CSPP1: variants seen among roughly 807,000 people sequenced by gnomAD.
The protein encoded by CSPP1 is centrosome and spindle pole-associated protein 1.
Under a neutral mutation model 164.4 loss-of-function variants are expected in CSPP1, and 126 were observed. The ratio of observed to expected loss-of-function variants is 0.77; its 90% confidence interval spans 0.66 to 0.89. The LOEUF is 0.89. Ranked by LOEUF, CSPP1 falls within the 40% of genes least tolerant of loss-of-function variation. The pLI, the probability that CSPP1 is intolerant of heterozygous loss-of-function variation, is 0.00. For missense variants in CSPP1, 1,395 were observed against 1,449.8 expected, an observed-to-expected ratio of 0.96 and a Z score of 0.61; for synonymous variants, 472 against 476.7, an observed-to-expected ratio of 0.99 and a Z score of 0.13.
chr8:67,157,708 AAT>A (rs1317122889), intron 19 of CSPP1: 1 of 152,226 alleles, frequency 6.6e-6, no homozygotes, highest in Non-Finnish European at 1.5e-5. Flanking sequence ...CAGAGACATG[AAT>A]ACCTGGTTCC....
intron 16 of CSPP1, 86 bp from the exon 17 acceptor site, chr8:67,137,370 A>G (rs1347224609): frequency 1.8e-6 from 2 of 1,084,316 alleles, no homozygotes; most frequent in Admixed American, 3.7e-5. Context: ...TTGTTTTCTA[A>G]TACAAAAAAT....
chr8:67,128,492 T>C (rs1479380005), intron 15 of CSPP1, among the ~76,000 whole-genome samples: 1 of 144,438 alleles, frequency 6.9e-6, no homozygotes, highest in Admixed American at 7.1e-5. Flanking sequence ...TGAGCCAAGA[T>C]CACGCCACTG....
chr8:67,192,546 G>A (rs1836666578), intron 29 of CSPP1, among the ~76,000 whole-genome samples: 1 of 152,012 alleles, frequency 6.6e-6, no homozygotes, highest in Non-Finnish European at 1.5e-5. Context: ...TAATTTTGAT[G>A]AGGTCCAACT....
intron 15 of CSPP1, among the ~76,000 whole-genome samples, chr8:67,125,631 C>A (rs998663500): frequency 1.3e-5 from 2 of 152,094 alleles, no homozygotes; most frequent in African/African-American, 4.8e-5. Context: ...TTTCTTCAGT[C>A]TTTTTCTTTC....
intron 28 of CSPP1, among the ~76,000 whole-genome samples, chr8:67,186,886 T>G (rs1480189936): frequency 1.3e-5 from 2 of 152,166 alleles, no homozygotes; most frequent in Admixed American, 6.5e-5. Context: ...AATGTACAAG[T>G]GAAATTTGAA....
Position 67,175,378 on chromosome 8 carries a change from C to T in CSPP1, c.3051C>T (p.Ala1017=). ...DHHTLEIQQQ[A]LLREQQKRLN... ...ACACCTTAGAGATTCAGCAGCAAGC[C>T]CTGCTAAGAGAGCAGCAGAAGAGGC... The change falls in exon 26 of 31, where the codon GCC becomes GCT. Residue 1017 remains alanine, a synonymous_variant. Coordinates refer to ENST00000678616, the MANE Select transcript of CSPP1 (RefSeq NM_001382391.1). The T allele has an allele frequency of 6.2e-7, 1 of 1,613,966 alleles. No individual in the cohort carries two copies. The highest frequency in any genetic ancestry group is 1.1e-5 in the South Asian group (1 of 91,068).
intron 22 of CSPP1, among the ~76,000 whole-genome samples, chr8:67,162,321 A>G (rs1170733131): frequency 1.3e-5 from 2 of 152,218 alleles, no homozygotes; most frequent in Admixed American, 6.5e-5. Context: ...ATGTAAGCTC[A>G]TGGCACATGT....
Position 67,169,715 on chromosome 8 carries a change from C to T in CSPP1, c.2829-2701C>T, listed in dbSNP as rs191090877. ...TCGGCCTCCCAAAGTGCTGGGATTA[C>T]AGGTGTGAGCCACCGTGCCCGGCCA... On this transcript the variant is annotated intron_variant, in intron 24 of 30. Coordinates refer to ENST00000678616, the MANE Select transcript of CSPP1 (RefSeq NM_001382391.1). Among the ~76,000 whole-genome samples the T allele has an allele frequency of 7.7e-4, 117 of 152,028 alleles. 1 individual carries two copies. Among genetic ancestry groups the T allele is most frequent in the African/African-American group, 2.7e-3 (110 of 41,480 alleles).
rs751616415 is a variant in CSPP1, at chr8:67,158,968, A to C, written c.2392-23A>C. On this transcript the variant is annotated intron_variant, in intron 20 of 30. Coordinates refer to ENST00000678616, the MANE Select transcript of CSPP1 (RefSeq NM_001382391.1). ...ACTATAGAAGGAATATATGGAATGC[A>C]TATTTCTCTTTTTATTTTAAAGCAA... 4 of 1,561,884 alleles carry C rather than the reference A, an allele frequency of 2.6e-6. No homozygotes were observed. In the Admixed American group the frequency reaches 5.6e-5, roughly 22 times the overall value.
chr8:67,194,786 C>T (rs570159006), intron 30 of CSPP1, among the ~76,000 whole-genome samples: 19 of 151,786 alleles, frequency 1.3e-4, no homozygotes, highest in Admixed American at 7.9e-4. Flanking sequence ...ATAGAAGTTG[C>T]GTACAATCAA....
intron 21 of CSPP1, among the ~76,000 whole-genome samples, chr8:67,160,820 TTTTA>T (rs898114009): frequency 2.3e-4 from 35 of 151,964 alleles, no homozygotes; most frequent in African/African-American, 7.2e-4. Flanking sequence ...ATCTTTTTAT[TTTTA>T]TTTATTTATT....
chr8:67,159,946 CTTCCTTCCTTCTTTCTTTTCTT>C (rs1391612267), intron 21 of CSPP1, among the ~76,000 whole-genome samples: 4 of 57,460 alleles, frequency 7.0e-5, no homozygotes, highest in African/African-American at 1.9e-4. Context: ...TCCTTCCTTC[CTTCCTTCCTTCTTTCTTTTCTT>C]TTCTTTTCTT....
At chr8:67,191,692 A>G (rs955668001) in intron 29 of CSPP1, among the ~76,000 whole-genome samples, 4 of 152,046 alleles carry the variant, frequency 2.6e-5, no homozygotes, top group African/African-American at 9.7e-5. Context: ...GGTTGTTTTC[A>G]CTTTTTAGCT....
intron 1 of CSPP1, among the ~76,000 whole-genome samples, chr8:67,068,254 G>C (rs1806000438): frequency 6.6e-6 from 1 of 152,094 alleles, no homozygotes; most frequent in Admixed American, 6.5e-5. Context: ...CTGTTTTATA[G>C]ATTAGGCATA....
At chr8:67,072,854 C>T (rs550751530) in intron 1 of CSPP1, among the ~76,000 whole-genome samples, 30 of 113,976 alleles carry the variant, frequency 2.6e-4, no homozygotes, top group Non-Finnish European at 3.9e-4. Flanking sequence ...TGTGAAACAA[C>T]GAGAGAGCCT....
At chr8:67,150,036 A>T in intron 18 of CSPP1, 101 bp downstream of exon 18, 1 of 1,241,096 alleles carries the variant, frequency 8.1e-7, no homozygotes, top group Non-Finnish European at 1.1e-6. Flanking sequence ...GATCTTGAGA[A>T]TTTGGCTATC....
chr8:67,137,701 A>G (rs536053423), intron 17 of CSPP1, 98 bp downstream of exon 17: 1 of 608,672 alleles, frequency 1.6e-6, no homozygotes. Context: ...CATAGCCTCT[A>G]TAGCAACGCA....
At chr8:67,183,390 A>G (rs1029429508) in intron 28 of CSPP1, among the ~76,000 whole-genome samples, 2 of 152,220 alleles carry the variant, frequency 1.3e-5, no homozygotes, top group Non-Finnish European at 2.9e-5. Flanking sequence ...ACAGATTACA[A>G]TCTGGGCAAG....
chr8:67,097,379 T>A (rs1012420976), intron 7 of CSPP1, among the ~76,000 whole-genome samples: 1 of 152,160 alleles, frequency 6.6e-6, no homozygotes, highest in Non-Finnish European at 1.5e-5. Context: ...TTTAGGTAAT[T>A]TGAATGAAGG....
Sources: allele counts gnomAD v4.1 joint callset (sites outside exome capture counted in the v4.1 genomes callset), GRCh38; gene constraint gnomAD v4.1.1; transcripts MANE v1.5; gene names NCBI Gene and HGNC (gene_info 2026-07-23, HGNC 2026-07-21).